Variants in PARN observed in about 807,000 individuals in gnomAD.
PARN encodes the protein poly(A)-specific ribonuclease.
In PARN, 71 loss-of-function variants were observed where a neutral mutation model predicts 102.8. The ratio of observed to expected loss-of-function variants is 0.69; its 90% CI spans 0.57 to 0.84. The LOEUF is 0.84. Among genes scored for constraint, PARN ranks in the 40% least tolerant of loss-of-function variants. PARN has a pLI of 0.00. For missense variants in PARN, 782 were observed against 760.9 expected (o/e 1.03, Z -0.33); for synonymous variants, 261 against 252.9 (o/e 1.03, Z -0.30).
intron 6 of PARN, among the ~76,000 whole-genome samples, chr16:14,616,976 G>A (rs544016061): frequency 1.3e-5 from 2 of 151,188 alleles, no homozygotes; most frequent in Admixed American, 6.6e-5. Context: ...AGAATAAACT[G>A]CACTCGATAA....
intron 21 of PARN, among the ~76,000 whole-genome samples, chr16:14,531,790 T>C (rs1368156807): frequency 1.3e-5 from 2 of 152,148 alleles, no homozygotes. Context: ...ACTCAATACT[T>C]GGAAATTCTT....
At chr16:14,575,001 T>C (rs1969032883) in intron 18 of PARN, among the ~76,000 whole-genome samples, 1 of 152,192 alleles carries the variant, frequency 6.6e-6, no homozygotes, top group South Asian at 2.1e-4. Flanking sequence ...CCTTGGCAAC[T>C]TCCATGCAGC....
At chr16:14,493,483 T>C (rs1179756813) in intron 21 of PARN, among the ~76,000 whole-genome samples, 1 of 152,222 alleles carries the variant, frequency 6.6e-6, no homozygotes, top group Non-Finnish European at 1.5e-5. Context: ...CTCAAAGGGC[T>C]GAAATTACAG....
At chr16:14,575,258 A>G (rs984107863) in intron 18 of PARN, among the ~76,000 whole-genome samples, 1 of 152,178 alleles carries the variant, frequency 6.6e-6, no homozygotes, top group African/African-American at 2.4e-5. Flanking sequence ...CAGACAGCAG[A>G]ATGGCAGATC....
intron 18 of PARN, chr16:14,565,061 T>A (rs1292070788): frequency 6.6e-6 from 1 of 152,182 alleles, no homozygotes; most frequent in African/African-American, 2.4e-5. Flanking sequence ...GGTATTTCCT[T>A]CAGGGCAGAG....
chr16:14,570,320 T>TC (rs1968712883), intron 18 of PARN, among the ~76,000 whole-genome samples: 2 of 26,432 alleles, frequency 7.6e-5, no homozygotes, highest in South Asian at 5.4e-3. Context: ...AGACTCTGTC[T>TC]CAAAAAAAAA....
rs1481131348 is a variant in PARN at position 14,582,212 on chromosome 16, C to T, written c.1161G>A (p.Gly387=). The T allele has an allele frequency of 2.5e-6, 4 of 1,612,710 alleles. No individual in the cohort carries two copies. The highest frequency in any genetic ancestry group is 3.4e-6 in the Non-Finnish European group (4 of 1,178,706). Residue 387 remains glycine (G), a synonymous_variant, in exon 17 of 24, where the codon GGG becomes GGA. Transcript: ENST00000437198. ...HEAGYDAYIT[G]LCFISMANYL... is the part of the protein sequence containing the mutation. Reference sequence around the variant, plus strand: ...AATTGGCCATGGAGATGAAGCACAGCCCTGTGATGTAGGCATCGTAGCCTG... The same window carrying T: ...AATTGGCCATGGAGATGAAGCACAGTCCTGTGATGTAGGCATCGTAGCCTG...
Position 14,446,563 on chromosome 16 carries a change from C to A in PARN, c.1864+325G>T, listed in dbSNP as rs146541614. ...AAATAACATGTAGGAGGGGCCTCTGCGCACATTTAAATGCACATTTTAAAT... is the reference window on the plus strand; with the variant it reads ...AAATAACATGTAGGAGGGGCCTCTGAGCACATTTAAATGCACATTTTAAAT... On this transcript the variant is annotated intron_variant, in intron 23 of 23. Coordinates refer to ENST00000437198, the MANE Select transcript of PARN (RefSeq NM_002582.4). 2.0e-5 allele frequency among the ~76,000 whole-genome samples: 3 copies of A among 152,222 alleles called. No homozygotes were observed. The East Asian group carries it at 5.8e-4, about 29-fold the overall frequency.
At chr16:14,603,540 C>G (rs1297765197) in intron 11 of PARN, among the ~76,000 whole-genome samples, 1 of 152,150 alleles carries the variant, frequency 6.6e-6, no homozygotes, top group African/African-American at 2.4e-5. Context: ...CCTCCTTCCC[C>G]CTTCCTCCTC....
intron 21 of PARN, among the ~76,000 whole-genome samples, chr16:14,547,766 GA>G (rs1011433446): frequency 2.2e-4 from 32 of 145,416 alleles, no homozygotes; most frequent in East Asian, 6.0e-4. Flanking sequence ...AATACTCAAA[GA>G]AAAAAAAAAG....
At chr16:14,584,493 C>A in intron 15 of PARN, 71 bp from the exon 16 acceptor site, 1 of 1,133,874 alleles carries the variant, frequency 8.8e-7, no homozygotes, top group Admixed American at 2.4e-5. Flanking sequence ...GATTCACTGA[C>A]CCCCCCAAAA....
chr16:14,593,491 TTAAAAAAA>T, intron 12 of PARN, 113 bp from the exon 13 acceptor site: 2 of 27,438 alleles, frequency 7.3e-5, no homozygotes, highest in Non-Finnish European at 1.3e-4. Flanking sequence ...CTTTCCAGAC[TTAAAAAAA>T]AAAAAAAAAA....
At chr16:14,519,796 C>G (rs1238889731) in intron 21 of PARN, among the ~76,000 whole-genome samples, 1 of 151,982 alleles carries the variant, frequency 6.6e-6, no homozygotes, top group Non-Finnish European at 1.5e-5. Context: ...ATACCAATTG[C>G]CAACCACATA....
intron 13 of PARN, among the ~76,000 whole-genome samples, 182 bp from the exon 14 acceptor site, chr16:14,586,543 C>T (rs1969869023): frequency 6.6e-6 from 1 of 152,158 alleles, no homozygotes; most frequent in Non-Finnish European, 1.5e-5. Flanking sequence ...TCCCAATTTC[C>T]TCACTCATTG....
At chr16:14,602,404 T>A (rs924853286) in intron 11 of PARN, among the ~76,000 whole-genome samples, 1 of 152,102 alleles carries the variant, frequency 6.6e-6, no homozygotes, top group Admixed American at 6.6e-5. Flanking sequence ...CCAATGACAA[T>A]CATGCCTAGC....
chr16:14,502,854 G>A (rs763255646), intron 21 of PARN, among the ~76,000 whole-genome samples: 2 of 152,144 alleles, frequency 1.3e-5, no homozygotes, highest in Non-Finnish European at 2.9e-5. Flanking sequence ...CCCTGGGCTT[G>A]CAATTACTAC....
chr16:14,595,599 C>A (rs939480953), intron 12 of PARN, among the ~76,000 whole-genome samples: 1 of 151,736 alleles, frequency 6.6e-6, no homozygotes, highest in African/African-American at 2.4e-5. Context: ...GTGGCATAAT[C>A]TCAGCTCACT....
At position 14,480,988 on chromosome 16, in the gene PARN, C is replaced by T. The variant is rs116733856; in HGVS notation, c.1670+1650G>A. 6.8e-3 allele frequency among the ~76,000 whole-genome samples: 1,036 copies of T among 151,268 alleles called. 9 individuals are homozygous for T. Among genetic ancestry groups the T allele is most frequent in the African/African-American group, 0.022 (923 of 41,316 alleles). ...ATAAATAAATAACATAAAAGATTGA[C>T]GGCATGAAATGCTGACAAGGATGTG... On this transcript the variant is annotated intron_variant, in intron 22 of 23. Coordinates refer to ENST00000437198, the MANE Select transcript of PARN (RefSeq NM_002582.4).
chr16:14,453,929 A>G (rs1310104086), intron 22 of PARN, among the ~76,000 whole-genome samples: 1 of 152,222 alleles, frequency 6.6e-6, no homozygotes, highest in Non-Finnish European at 1.5e-5. Flanking sequence ...TTTTTCAAAT[A>G]TAAATACCTA....
Sources: allele counts gnomAD v4.1 joint callset (sites outside exome capture counted in the v4.1 genomes callset), GRCh38; gene constraint gnomAD v4.1.1; transcripts MANE v1.5; gene names NCBI Gene and HGNC (gene_info 2026-07-23, HGNC 2026-07-21).